The following EYA1 variants were observed in gnomAD, a reference collection of about 807,000 sequenced individuals.
EYA1 encodes the protein protein phosphatase EYA1.
EYA1 carries 16 observed loss-of-function variants against 82.0 expected under a neutral mutation model. The ratio of observed to expected loss-of-function variants is 0.20; its 90% CI spans 0.13 to 0.30. The LOEUF is 0.30. EYA1 is among the 10% of genes least tolerant of loss of function. The pLI is 1.00. For synonymous variants in EYA1, 261 were observed against 264.4 expected, an observed-to-expected ratio of 0.99 and a Z score of 0.12; for missense variants, 633 against 730.7, an observed-to-expected ratio of 0.87 and a Z score of 1.54.
In EYA1 at chr8:71,198,472, C is replaced by T. The variant is rs1265962052; in HGVS notation, c.*868G>A. ...AAAATCCATTATCTACATATTTATA[C>T]CGAAAACTCAGATAAGGCACGGCAC... On this transcript the variant is annotated 3_prime_UTR_variant, in exon 18 of 18. Coordinates refer to ENST00000340726, the MANE Select transcript of EYA1 (RefSeq NM_000503.6). The T allele has an allele frequency of 6.6e-6, 1 of 152,552 alleles. No individual in the cohort carries two copies. The highest frequency in any genetic ancestry group is 2.4e-5 in the African/African-American group (1 of 41,412). The allele number at this position is 152,552 out of a possible 1,614,324, so 9.4% of individuals were successfully genotyped here.
At chr8:71,490,772 T>A (rs576585103) in intron 2 of EYA1, among the ~76,000 whole-genome samples, 21 of 152,318 alleles carry the variant, frequency 1.4e-4, no homozygotes, top group Admixed American at 1.3e-3. Flanking sequence ...TAGAAAAGAA[T>A]CCACAACTTG....
In EYA1 at chr8:71,497,809, A is replaced by G. The variant is rs77786501; in HGVS notation, c.33+37935T>C. ...TCACAATAGCCGAGTTATAAAATCA[A>G]CCTTAAAGTTCATCACTGGATGAAT... On this transcript the variant is annotated intron_variant, in intron 2 of 18. Transcript: ENST00000643681. Among the ~76,000 whole-genome samples, 825 of 152,346 alleles carry G rather than the reference A, an allele frequency of 5.4e-3. 13 individuals are homozygous for G. The highest frequency in any genetic ancestry group is 0.019 in the African/African-American group (789 of 41,580).
intron 9 of EYA1, among the ~76,000 whole-genome samples, chr8:71,290,548 C>T (rs1818883611): frequency 6.6e-6 from 1 of 151,942 alleles, no homozygotes. Flanking sequence ...ATATTTAAAT[C>T]CAGTGTACTA....
chr8:71,511,244 G>T (rs1563689072), intron 2 of EYA1, among the ~76,000 whole-genome samples: 1 of 152,058 alleles, frequency 6.6e-6, no homozygotes, highest in East Asian at 1.9e-4. Context: ...CTTCATTTTG[G>T]TCTATATTTT....
intron 9 of EYA1, among the ~76,000 whole-genome samples, chr8:71,279,398 T>C (rs190220717): frequency 9.1e-4 from 139 of 152,238 alleles, no homozygotes; most frequent in African/African-American, 3.2e-3. Context: ...TAATAGATGG[T>C]ATACCAAGGC....
intron 2 of EYA1, among the ~76,000 whole-genome samples, chr8:71,491,087 T>C (rs1196780080): frequency 2.6e-5 from 4 of 152,172 alleles, no homozygotes; most frequent in Non-Finnish European, 5.9e-5. Flanking sequence ...AGCAGTCTTC[T>C]GGACTCACCT....
At chr8:71,444,615 G>A (rs1405186051) in intron 2 of EYA1, among the ~76,000 whole-genome samples, 1 of 152,184 alleles carries the variant, frequency 6.6e-6, no homozygotes, top group Non-Finnish European at 1.5e-5. Flanking sequence ...CAGGATGAGA[G>A]GAGCACTAAC....
chr8:71,270,668 G>A (rs1783168709), intron 10 of EYA1, among the ~76,000 whole-genome samples: 1 of 152,100 alleles, frequency 6.6e-6, no homozygotes, highest in Non-Finnish European at 1.5e-5. Flanking sequence ...TAGTTGCAGT[G>A]GATTCAAGGC....
At chr8:71,267,975 A>G (rs569932166) in intron 11 of EYA1, among the ~76,000 whole-genome samples, 1 of 152,358 alleles carries the variant, frequency 6.6e-6, no homozygotes, top group African/African-American at 2.4e-5. Context: ...AACTCATGGT[A>G]TTTGTAATAC....
chr8:71,502,423 C>T (rs1489777680), intron 2 of EYA1, among the ~76,000 whole-genome samples: 1 of 152,152 alleles, frequency 6.6e-6, no homozygotes, highest in Non-Finnish European at 1.5e-5. Flanking sequence ...TTTTAATTCA[C>T]TTGGAATTTC....
At chr8:71,461,134 G>A (rs1459381596) in intron 2 of EYA1, among the ~76,000 whole-genome samples, 6 of 152,114 alleles carry the variant, frequency 3.9e-5, no homozygotes, top group Non-Finnish European at 7.4e-5. Flanking sequence ...CAGGATCCTT[G>A]AGGTGTTGCT....
At chr8:71,262,826 T>C (rs79053256) in intron 11 of EYA1, among the ~76,000 whole-genome samples, 2,784 of 152,218 alleles carry the variant, frequency 0.018, 80 homozygotes, top group African/African-American at 0.064. Flanking sequence ...TTTGAAAAAA[T>C]GTGCTTCTGT....
rs970737845 is a variant in EYA1 at position 71,325,688 on chromosome 8, T to C, written c.203-3420A>G. Among the ~76,000 whole-genome samples the C allele has an allele frequency of 1.8e-4, 28 of 152,208 alleles. 1 individual carries two copies. Among genetic ancestry groups the C allele is most frequent in the Non-Finnish European group, 2.9e-5 (2 of 68,036 alleles). Reference sequence around the variant, plus strand: ...TAAGTAGTATACCTTATGAAATAAATGTGAAGAACCCACAATGCTGTCTTA... The same window carrying C: ...TAAGTAGTATACCTTATGAAATAAACGTGAAGAACCCACAATGCTGTCTTA... On this transcript the variant is annotated intron_variant, in intron 4 of 17. Transcript: ENST00000340726.
At chr8:71,295,830 TGGC>T (rs1367659164) in intron 9 of EYA1, among the ~76,000 whole-genome samples, 4 of 152,238 alleles carry the variant, frequency 2.6e-5, no homozygotes, top group Middle Eastern at 3.4e-3. Context: ...GTCCTTCAAT[TGGC>T]GGTGAGGGGT....
At chr8:71,298,909 AT>A (rs1315849046) in intron 9 of EYA1, 137 bp downstream of exon 9, 1 of 734,990 alleles carries the variant, frequency 1.4e-6, no homozygotes, top group Non-Finnish European at 2.5e-6. Context: ...TGCCACAGTC[AT>A]GCTGCTTGAC....
intron 2 of EYA1, among the ~76,000 whole-genome samples, chr8:71,530,407 A>G (rs997620998): frequency 1.3e-5 from 2 of 152,178 alleles, no homozygotes; most frequent in African/African-American, 2.4e-5. Context: ...TAAGCCACCC[A>G]CTTTGTGGTA....
chr8:71,299,754 A>G (rs1819996999), intron 7 of EYA1, 34 bp from the exon 8 acceptor site: 1 of 1,129,818 alleles, frequency 8.9e-7, no homozygotes, highest in Non-Finnish European at 1.3e-6. Flanking sequence ...CGATTATACC[A>G]GGCTTGTGGA....
chr8:71,284,747 C>A (rs1461767284), intron 9 of EYA1, among the ~76,000 whole-genome samples: 1 of 152,164 alleles, frequency 6.6e-6, no homozygotes, highest in African/African-American at 2.4e-5. Context: ...GAAAGGATAT[C>A]CTGTCATTGA....
intron 2 of EYA1, among the ~76,000 whole-genome samples, chr8:71,483,364 T>A (rs1013009264): frequency 1.3e-5 from 2 of 151,630 alleles, no homozygotes; most frequent in Non-Finnish European, 2.9e-5. Flanking sequence ...CACTTTAGTA[T>A]GTGCATGTGT....
Sources: allele counts gnomAD v4.1 joint callset (sites outside exome capture counted in the v4.1 genomes callset), GRCh38; gene constraint gnomAD v4.1.1; transcripts MANE v1.5; gene names NCBI Gene and HGNC (gene_info 2026-07-23, HGNC 2026-07-21).